Variants in CHRM5 observed in about 807,000 individuals in gnomAD.
CHRM5 encodes muscarinic acetylcholine receptor M5.
CHRM5 carries 18 observed loss-of-function variants against 39.0 expected under a neutral mutation model. The ratio of observed to expected loss-of-function variants is 0.46; its 90% CI spans 0.32 to 0.68. CHRM5 has a LOEUF of 0.68. Among genes scored for constraint, CHRM5 ranks in the 30% least tolerant of loss-of-function variants. The pLI, the probability that CHRM5 is intolerant of heterozygous loss-of-function variation, is 0.04. For synonymous variants in CHRM5, 241 were observed against 246.3 expected (o/e 0.98, Z 0.20); for missense variants, 515 against 651.1 (o/e 0.79, Z 2.28).
intron 2 of CHRM5, among the ~76,000 whole-genome samples, chr15:34,048,222 T>TG (rs1019854630): frequency 6.6e-6 from 1 of 151,386 alleles, no homozygotes; most frequent in Non-Finnish European, 1.5e-5. Context: ...CCTCACTGGG[T>TG]GGGATCTCCC....
At chr15:33,971,640 CATA>C (rs1895642572) in intron 1 of CHRM5, among the ~76,000 whole-genome samples, 1 of 151,912 alleles carries the variant, frequency 6.6e-6, no homozygotes, top group Non-Finnish European at 1.5e-5. Flanking sequence ...AGGGACATTG[CATA>C]ATATTTTTAA....
At position 34,059,250 on chromosome 15, in the gene CHRM5, A is replaced by G. The variant is rs146511953; in HGVS notation, c.-75-3393A>G. The stretch of plus-strand genomic sequence containing the variant: ...TGAAAAAGAAGTACCCAGGCTATAC[A>G]TGTGTCCAAAGGAGTATGTGCACAT... On this transcript the variant is annotated intron_variant, in intron 2 of 2. Transcript: ENST00000383263. 3.4e-3 allele frequency among the ~76,000 whole-genome samples: 522 copies of G among 152,314 alleles called. 4 individuals are homozygous for G. Among genetic ancestry groups the G allele is most frequent in the African/African-American group, 0.012 (486 of 41,572 alleles).
At chr15:34,060,742 T>G (rs1476159632) in intron 2 of CHRM5, among the ~76,000 whole-genome samples, 1 of 152,150 alleles carries the variant, frequency 6.6e-6, no homozygotes, top group Non-Finnish European at 1.5e-5. Context: ...CCAGGCTTGG[T>G]GGCTGTAATC....
In CHRM5 at chr15:33,968,709, T is replaced by C. The variant is rs923571722; in HGVS notation, c.-849T>C. The C allele has an allele frequency of 2.0e-5, 3 of 152,162 alleles. No homozygotes were observed. The highest frequency in any genetic ancestry group is 2.9e-5 in the Non-Finnish European group (2 of 67,990). The allele number at this position is 152,162 out of a possible 1,614,324, so 9.4% of individuals were successfully genotyped here. On this transcript the variant is annotated 5_prime_UTR_variant, in exon 1 of 3. An upstream start codon of the reference 5' UTR is lost. Transcript: ENST00000383263. ...GAAAGCAAGAGTGCAAGAACATCCA[T>C]GCTTCTAGTCCAGATAATGTTTTTT...
intron 1 of CHRM5, chr15:34,038,898 C>T (rs1221378632): frequency 1.8e-6 from 2 of 1,123,232 alleles, no homozygotes; most frequent in East Asian, 1.1e-4. Flanking sequence ...ACGGCCCCGG[C>T]GTCCGCCTCC....
At chr15:34,010,996 A>G (rs1006521386) in intron 1 of CHRM5, among the ~76,000 whole-genome samples, 2 of 152,200 alleles carry the variant, frequency 1.3e-5, no homozygotes, top group Non-Finnish European at 2.9e-5. Context: ...ATAAACCATC[A>G]TAATTAAAGA....
chr15:34,049,034 C>T (rs115318356), intron 2 of CHRM5, among the ~76,000 whole-genome samples: 5 of 152,148 alleles, frequency 3.3e-5, no homozygotes, highest in South Asian at 2.1e-4. Flanking sequence ...AAAGACCCCA[C>T]AAAAACCTAT....
rs377263930 is a variant in CHRM5 at position 33,978,179 on chromosome 15, C to T, written c.-408+9029C>T. Among the ~76,000 whole-genome samples, 274 of 152,232 alleles carry T rather than the reference C, an allele frequency of 1.8e-3. 6 individuals are homozygous for T. In the South Asian group the frequency reaches 0.054, roughly 30 times the overall value. ...ACATGAAGAAAGAGGAAATTTCTCT[C>T]TAGGCAGAACCAATGCAGACTGGCC... On this transcript the variant is annotated intron_variant, in intron 1 of 2. Coordinates refer to ENST00000383263, the MANE Select transcript of CHRM5 (RefSeq NM_012125.4).
intron 1 of CHRM5, among the ~76,000 whole-genome samples, chr15:34,012,293 G>A (rs1897670222): frequency 6.6e-6 from 1 of 152,104 alleles, no homozygotes; most frequent in Non-Finnish European, 1.5e-5. Context: ...CACACAATAA[G>A]TAGTGACACA....
chr15:34,040,515 A>G (rs1295783477), intron 1 of CHRM5, among the ~76,000 whole-genome samples: 1 of 152,204 alleles, frequency 6.6e-6, no homozygotes, highest in Non-Finnish European at 1.5e-5. Context: ...ACCAAACACT[A>G]TTCTACATAC....
At chr15:34,053,317 A>ATATATACATATATATATAT (rs1294635851) in intron 2 of CHRM5, among the ~76,000 whole-genome samples, 1 of 73,814 alleles carries the variant, frequency 1.4e-5, no homozygotes, top group African/African-American at 5.1e-5. Flanking sequence ...AAAAAAAAAA[A>ATATATACATATATATATAT]AAATATATAT....
intron 2 of CHRM5, among the ~76,000 whole-genome samples, chr15:34,062,021 T>G (rs971396625): frequency 6.6e-6 from 1 of 152,172 alleles, no homozygotes; most frequent in Non-Finnish European, 1.5e-5. Flanking sequence ...CATCCCTGCT[T>G]TCCTCTCTTT....
At chr15:33,975,697 C>T (rs947490155) in intron 1 of CHRM5, among the ~76,000 whole-genome samples, 7 of 151,980 alleles carry the variant, frequency 4.6e-5, no homozygotes, top group Non-Finnish European at 8.8e-5. Flanking sequence ...TTTGGGAGGC[C>T]GAGGCAGGTG....
intron 1 of CHRM5, among the ~76,000 whole-genome samples, chr15:34,040,747 T>C (rs1278947996): frequency 6.6e-6 from 1 of 151,888 alleles, no homozygotes; most frequent in Admixed American, 6.6e-5. Flanking sequence ...GGCAACATGG[T>C]GAAACCCCAT....
rs1231466920 is a variant in CHRM5 at position 34,063,353 on chromosome 15, C to T, written c.636C>T (p.Leu212=). 1.2e-6 allele frequency: 2 copies of T among 1,614,172 alleles called. No homozygotes were observed. The highest frequency in any genetic ancestry group is 4.5e-5 in the East Asian group (2 of 44,886). ...FYIPVSVMTI[L]YCRIYRETEK... ...TCCCTGTTTCTGTCATGACCATCCT[C>T]TACTGTCGAATCTACCGGGAAACAG... Residue 212 remains leucine (L), a synonymous_variant, in exon 3 of 3, where the codon CTC becomes CTT. Coordinates refer to ENST00000383263, the MANE Select transcript of CHRM5 (RefSeq NM_012125.4). This position sits in a 1 kb window ranked among gnomAD's most constrained non-coding sequence, Gnocchi z 4.1.
At position 34,067,438 on chromosome 15, in the gene CHRM5, T is replaced by C. The variant is rs1900540084; in HGVS notation, c.*3122T>C. On this transcript the variant is annotated 3_prime_UTR_variant, in exon 3 of 3. Coordinates refer to ENST00000383263, the MANE Select transcript of CHRM5 (RefSeq NM_012125.4). ...TGTATTGTATAAGCACTATTCTAGA[T>C]ATTAAAGAAATTTAACCGCACAGTG... 1 of 152,196 alleles carries C rather than the reference T, an allele frequency of 6.6e-6. No homozygotes were observed. Among genetic ancestry groups the C allele is most frequent in the Admixed American group, 6.5e-5 (1 of 15,272 alleles). 9.4% of individuals were successfully genotyped at this position (152,196 alleles called of 1,614,324 possible).
At chr15:34,042,982 T>C (rs952874966) in intron 1 of CHRM5, among the ~76,000 whole-genome samples, 2 of 151,830 alleles carry the variant, frequency 1.3e-5, no homozygotes, top group African/African-American at 4.8e-5. Flanking sequence ...GCGCGGTGGC[T>C]CACGCCTGTA....
chr15:34,021,442 T>C (rs906472225), intron 1 of CHRM5, among the ~76,000 whole-genome samples: 5 of 151,698 alleles, frequency 3.3e-5, no homozygotes, highest in Non-Finnish European at 7.4e-5. Context: ...CACACCACCA[T>C]GCCCAGCTAA....
intron 1 of CHRM5, chr15:33,991,909 G>C (rs1389421875): frequency 6.5e-6 from 1 of 153,464 alleles, no homozygotes; most frequent in Non-Finnish European, 1.5e-5. Context: ...AAGCTGCCTA[G>C]GCTGGATCTG....
Sources: allele counts gnomAD v4.1 joint callset (sites outside exome capture counted in the v4.1 genomes callset), GRCh38; gene constraint gnomAD v4.1.1; non-coding constraint Gnocchi (gnomAD v3.1); transcripts MANE v1.5; gene names NCBI Gene and HGNC (gene_info 2026-07-23, HGNC 2026-07-21).